Variants in CDKN2AIP observed in about 807,000 individuals in gnomAD.
CDKN2AIP encodes the protein CDKN2A interacting protein, also known as CDKN2A-interacting protein.
Under a neutral mutation model 44.1 loss-of-function variants are expected in CDKN2AIP, and 12 were observed. The observed-to-expected ratio is 0.27, with a 90% CI of 0.17 to 0.44. The LOEUF (loss-of-function observed/expected upper bound fraction) is 0.44, where lower values mean the gene tolerates loss of function less well. CDKN2AIP is among the 20% of genes least tolerant of loss of function. CDKN2AIP has a pLI of 1.00. For synonymous variants in CDKN2AIP, 291 were observed against 272.1 expected (o/e 1.07, Z -0.68); for missense variants, 705 against 681.6 (o/e 1.03, Z -0.38).
intron 2 of CDKN2AIP, 91 bp downstream of exon 2, chr4:183,445,756 C>G (rs537887747): frequency 3.7e-6 from 4 of 1,069,946 alleles, no homozygotes; most frequent in South Asian, 1.4e-5. Context: ...TTTTAACAAG[C>G]CAGAATTTTT....
At chr4:183,445,711 A>G in intron 2 of CDKN2AIP, 46 bp downstream of exon 2, 4 of 1,487,282 alleles carry the variant, frequency 2.7e-6, no homozygotes, top group African/African-American at 1.4e-5. Context: ...TTAGAGCATA[A>G]GTTTGATATA....
intron 1 of CDKN2AIP, 102 bp downstream of exon 1, chr4:183,445,171 A>C (rs1733639552): frequency 7.1e-7 from 1 of 1,412,480 alleles, no homozygotes; most frequent in Non-Finnish European, 9.5e-7. Context: ...GGGGAGGGGA[A>C]GTTGTGAAGC....
rs760838873 is a variant in CDKN2AIP, at chr4:183,446,081, T to G, written c.404-7T>G. 6.3e-7 allele frequency: 1 copy of G among 1,579,452 alleles called. No homozygotes were observed. The highest frequency in any genetic ancestry group is 1.2e-5 in the South Asian group (1 of 85,922). ...TAGTCACATATCTATGTTTTTCTTCTTTTTAGAAGGGGTAGAAGAGCCATC... is the reference window on the plus strand; with the variant it reads ...TAGTCACATATCTATGTTTTTCTTCGTTTTAGAAGGGGTAGAAGAGCCATC... On this transcript the variant is annotated splice_polypyrimidine_tract_variant and splice_region_variant and intron_variant, in intron 2 of 2. Coordinates refer to ENST00000504169, the MANE Select transcript of CDKN2AIP (RefSeq NM_017632.4).
rs757772642 is a variant in CDKN2AIP, at chr4:183,446,599, A to G, written c.915A>G (p.Leu305=). ...GAAGCTCAGAGGTAGAATTGCCACT[A>G]TTGTCTTCCAAACCTAGTTCAGAGA... ...SSGSSEVELP[L]LSSKPSSETA... is the part of the protein sequence containing the mutation. The change falls in exon 3 of 3, where the codon CTA becomes CTG. Residue 305 remains leucine (L), a synonymous_variant. Transcript: ENST00000504169. 87 of 1,613,966 alleles carry G rather than the reference A, an allele frequency of 5.4e-5. No homozygotes were observed. Among genetic ancestry groups the G allele is most frequent in the Middle Eastern group, 1.6e-4 (1 of 6,084 alleles).
rs1252450214 is a variant in CDKN2AIP, at chr4:183,447,064, T to C, written c.1380T>C (p.Asn460=). The change falls in exon 3 of 3, where the codon AAT becomes AAC. Residue 460 remains asparagine, a synonymous_variant. Coordinates refer to ENST00000504169, the MANE Select transcript of CDKN2AIP (RefSeq NM_017632.4). ...TAGCTGTTGGTGGCTTTAGTCCCAA[T>C]GTGAATCATGGAGAGCTCCTAAATG... ...KLVAVGGFSP[N]VNHGELLNAA... is the part of the protein sequence containing the mutation. 1 of 1,614,126 alleles carries C rather than the reference T, an allele frequency of 6.2e-7. No individual in the cohort carries two copies. The highest frequency in any genetic ancestry group is 2.2e-5 in the East Asian group (1 of 44,886).
rs571001762 is a variant in CDKN2AIP, at chr4:183,445,807, A to G, written c.403+142A>G. The G allele has an allele frequency of 2.1e-5, 15 of 707,456 alleles. No homozygotes were observed. The East Asian group carries it at 3.8e-4, about 18-fold the overall frequency. The allele number at this position is 707,456 out of a possible 1,614,324, so 43.8% of individuals were successfully genotyped here. ...AATAAAGTTGGAATGTTAAACCTAA[A>G]GTATATATCTGTGTCTTTAGGCTTT... On this transcript the variant is annotated intron_variant, in intron 2 of 2. Transcript: ENST00000504169.
At position 183,444,760 on chromosome 4, in the gene CDKN2AIP, C is replaced by T. The variant is rs1434103238; in HGVS notation, c.-38C>T. 4 of 1,483,290 alleles carry T rather than the reference C, an allele frequency of 2.7e-6. No homozygotes were observed. The highest frequency in any genetic ancestry group is 1.3e-5 in the South Asian group (1 of 75,248). The allele number at this position is 1,483,290 out of a possible 1,614,324, so 91.9% of individuals were successfully genotyped here. On this transcript the variant is annotated 5_prime_UTR_variant, in exon 1 of 3. Coordinates refer to ENST00000504169, the MANE Select transcript of CDKN2AIP (RefSeq NM_017632.4). ...CGCTCGCCCCGCTAGTCCTGCCTGT[C>T]TCCCGGTGCAGCTGTGTTCGCGGCC...
Position 183,445,063 on chromosome 4 carries a change from G to C in CDKN2AIP, c.266G>C (p.Gly89Ala). The C allele has an allele frequency of 6.3e-7, 1 of 1,582,078 alleles. No homozygotes were observed. The highest frequency in any genetic ancestry group is 8.6e-7 in the Non-Finnish European group (1 of 1,156,110). Reference protein sequence around the residue: ...SMAWANHVFLGCRYPQKVMDK... With the variant: ...SMAWANHVFLACRYPQKVMDK... The stretch of plus-strand genomic sequence containing the variant: ...GCCTGGGCGAACCACGTCTTCCTCG[G>C]GTGCCGGTGAGTGAGGCAGCGTCCC... The change falls in exon 1 of 3, where the codon GGG (glycine) becomes GCG (alanine). Residue 89 changes from glycine to alanine, a missense_variant. By Grantham distance (60) the Gly-to-Ala change is moderately conservative (BLOSUM62 0). This residue lies in a region of CDKN2AIP where 592 missense variants were observed against 518.0 expected (regional missense o/e 1.14). Transcript: ENST00000504169.
rs1733707420 is a variant in CDKN2AIP at position 183,447,435 on chromosome 4, A to G, written c.*8A>G. On this transcript the variant is annotated 3_prime_UTR_variant, in exon 3 of 3. Coordinates refer to ENST00000504169, the MANE Select transcript of CDKN2AIP (RefSeq NM_017632.4). ...CCTCAAGAATTACTATAATGTGTCC[A>G]AAATATCACTGCATACAATATCTGG... 1 of 1,505,584 alleles carries G rather than the reference A, an allele frequency of 6.6e-7. No homozygotes were observed. Among genetic ancestry groups the G allele is most frequent in the South Asian group, 1.4e-5 (1 of 73,098 alleles). The allele number at this position is 1,505,584 out of a possible 1,614,324, so 93.3% of individuals were successfully genotyped here. A position where few individuals can be genotyped will look rare whatever the true frequency, so the allele number is the denominator to read the frequency against.
At position 183,444,803 on chromosome 4, in the gene CDKN2AIP, G is replaced by A. The variant is rs1194581510; in HGVS notation, c.6G>A (p.Ala2=). Residue 2 remains alanine, a synonymous_variant, in exon 1 of 3, where the codon GCG becomes GCA. Transcript: ENST00000504169. ...TCGCGGCCTGCAGGCCCAACATGGC[G>A]CAGGAGGTGTCGGAGTACCTGAGCC... is the stretch of plus-strand genomic sequence containing the variant. M[A]QEVSEYLSQN... 6.5e-7 allele frequency: 1 copy of A among 1,539,118 alleles called. No homozygotes were observed.
rs775281024 is a variant in CDKN2AIP at position 183,448,709 on chromosome 4, G to A, written c.*1282G>A. ...TTGTGTTGGAATAGGAAAATCAAACGTAAGCACAATTTAAGTATGTAGCAG... is the reference window on the plus strand; with the variant it reads ...TTGTGTTGGAATAGGAAAATCAAACATAAGCACAATTTAAGTATGTAGCAG... On this transcript the variant is annotated 3_prime_UTR_variant, in exon 3 of 3. Coordinates refer to ENST00000504169, the MANE Select transcript of CDKN2AIP (RefSeq NM_017632.4). Among the ~76,000 whole-genome samples the A allele has an allele frequency of 1.3e-5, 2 of 152,112 alleles. No individual in the cohort carries two copies. Among genetic ancestry groups the A allele is most frequent in the African/African-American group, 4.8e-5 (2 of 41,434 alleles).
At position 183,447,149 on chromosome 4, in the gene CDKN2AIP, G is replaced by A; in HGVS notation, c.1465G>A (p.Ala489Thr). Residue 489 changes from alanine (A) to threonine (T), a missense_variant, in exon 3 of 3, where the codon GCA (alanine) becomes ACA (threonine). Physicochemically the swap from Ala to Thr is moderately conservative, Grantham distance 58 (BLOSUM62 0). Coordinates refer to ENST00000504169, the MANE Select transcript of CDKN2AIP (RefSeq NM_017632.4). Reference protein sequence around the residue: ...DVFFVPLKELADLPQNKSSQE... With the variant: ...DVFFVPLKELTDLPQNKSSQE... Reference sequence around the variant, plus strand: ...ATTTTTTGTCCCACTAAAAGAATTGGCAGATCTGCCTCAAAATAAGAGCTC... The same window carrying A: ...ATTTTTTGTCCCACTAAAAGAATTGACAGATCTGCCTCAAAATAAGAGCTC... 6.2e-7 allele frequency: 1 copy of A among 1,614,132 alleles called. No homozygotes were observed. Among genetic ancestry groups the A allele is most frequent in the Non-Finnish European group, 8.5e-7 (1 of 1,180,000 alleles).
Position 183,447,365 on chromosome 4 carries a change from G to C in CDKN2AIP, c.1681G>C (p.Asp561His). Reference sequence around the variant, plus strand: ...TGAAATAGAAGATCTAGTACTCCTTGATGAAGAATCGAGGCCTGTAAACTT... The same window carrying C: ...TGAAATAGAAGATCTAGTACTCCTTCATGAAGAATCGAGGCCTGTAAACTT... ...GSEIEDLVLLDEESRPVNLPP... is the reference protein window; with the variant it reads ...GSEIEDLVLLHEESRPVNLPP... The change falls in exon 3 of 3, where the codon GAT (aspartate) becomes CAT (histidine). Residue 561 changes from aspartate to histidine, a missense_variant. Around this residue, in one of 2 missense-constraint regions of CDKN2AIP, gnomAD observed 113 missense variants for 163.6 expected, o/e 0.69. Transcript: ENST00000504169. 1.9e-6 allele frequency: 3 copies of C among 1,584,924 alleles called. No homozygotes were observed. Among genetic ancestry groups the C allele is most frequent in the Non-Finnish European group, 1.7e-6 (2 of 1,169,058 alleles).
In CDKN2AIP at chr4:183,444,809, G is replaced by A. The variant is rs1164038856; in HGVS notation, c.12G>A (p.Glu4=). 1 of 1,543,232 alleles carries A rather than the reference G, an allele frequency of 6.5e-7. No homozygotes were observed. The highest frequency in any genetic ancestry group is 8.8e-7 in the Non-Finnish European group (1 of 1,140,788). Residue 4 remains glutamate (E), a synonymous_variant, in exon 1 of 3, where the codon GAG becomes GAA. Coordinates refer to ENST00000504169, the MANE Select transcript of CDKN2AIP (RefSeq NM_017632.4). MAQ[E]VSEYLSQNPR... ...CCTGCAGGCCCAACATGGCGCAGGA[G>A]GTGTCGGAGTACCTGAGCCAGAACC...
At position 183,444,779 on chromosome 4, in the gene CDKN2AIP, C is replaced by G. The variant is rs1733624446; in HGVS notation, c.-19C>G. The stretch of plus-strand genomic sequence containing the variant: ...GCCTGTCTCCCGGTGCAGCTGTGTT[C>G]GCGGCCTGCAGGCCCAACATGGCGC... On this transcript the variant is annotated 5_prime_UTR_variant, in exon 1 of 3. Coordinates refer to ENST00000504169, the MANE Select transcript of CDKN2AIP (RefSeq NM_017632.4). The G allele has an allele frequency of 2.7e-6, 4 of 1,509,022 alleles. No individual in the cohort carries two copies. Among genetic ancestry groups the G allele is most frequent in the Non-Finnish European group, 3.6e-6 (4 of 1,120,406 alleles). The allele number at this position is 1,509,022 out of a possible 1,614,324, so 93.5% of individuals were successfully genotyped here.
rs898210355 is a variant in CDKN2AIP, at chr4:183,448,047, G to T, written c.*620G>T. 1 of 152,070 alleles carries T rather than the reference G, an allele frequency of 6.6e-6. No individual in the cohort carries two copies. Among genetic ancestry groups the T allele is most frequent in the East Asian group, 1.9e-4 (1 of 5,194 alleles). The allele number at this position is 152,070 out of a possible 1,614,324, so 9.4% of individuals were successfully genotyped here. ...TTGACCGCTGAAGATTCTTTAAGCG[G>T]GTTAATTTATGTTTTGAGGTGGAAT... On this transcript the variant is annotated 3_prime_UTR_variant, in exon 3 of 3. Coordinates refer to ENST00000504169, the MANE Select transcript of CDKN2AIP (RefSeq NM_017632.4).
chr4:183,446,754 T>C lies in CDKN2AIP; in HGVS notation c.1070T>C (p.Leu357Pro). 1 of 1,614,202 alleles carries C rather than the reference T, an allele frequency of 6.2e-7. No homozygotes were observed. The highest frequency in any genetic ancestry group is 8.5e-7 in the Non-Finnish European group (1 of 1,180,012). Residue 357 changes from leucine (L) to proline (P), a missense_variant, in exon 3 of 3, where the codon CTG becomes CCG. By Grantham distance (98) the Leu-to-Pro change is moderately conservative (BLOSUM62 -3). This residue lies in a region of CDKN2AIP where 592 missense variants were observed against 518.0 expected (regional missense o/e 1.14). Coordinates refer to ENST00000504169, the MANE Select transcript of CDKN2AIP (RefSeq NM_017632.4). Reference protein sequence around the residue: ...PKSSSSTNTSLLTSKSTSQVA... With the variant: ...PKSSSSTNTSPLTSKSTSQVA... Reference sequence around the variant, plus strand: ...AGCAGCTCTTCAACAAATACATCGCTGCTAACTTCCAAGAGCACTTCCCAG... The same window carrying C: ...AGCAGCTCTTCAACAAATACATCGCCGCTAACTTCCAAGAGCACTTCCCAG...
Position 183,445,606 on chromosome 4 carries a change from A to C in CDKN2AIP, c.344A>C (p.Tyr115Ser). 1 of 1,609,282 alleles carries C rather than the reference A, an allele frequency of 6.2e-7. No homozygotes were observed. The highest frequency in any genetic ancestry group is 8.5e-7 in the Non-Finnish European group (1 of 1,175,514). Residue 115 changes from tyrosine (Y) to serine (S), a missense_variant, in exon 2 of 3, where the codon TAT becomes TCT. By Grantham distance (144) the Tyr-to-Ser change is moderately radical. Transcript: ENST00000504169. Reference protein sequence around the residue: ...EGIKVTDAPTYTTRDELVAKV... With the variant: ...EGIKVTDAPTSTTRDELVAKV... ...ATCAAAGTGACAGATGCTCCAACCT[A>C]TACAACAAGAGATGAACTGGTTGCC...
In CDKN2AIP at chr4:183,444,721, C is replaced by T; in HGVS notation, c.-77C>T. ...TATCTGGAGGGCCGCGGGTGCAGGC[C>T]GCAGTGACAGGGCCGCTCGCCCCGC... On this transcript the variant is annotated 5_prime_UTR_variant, in exon 1 of 3. Transcript: ENST00000504169. 4 of 1,400,530 alleles carry T rather than the reference C, an allele frequency of 2.9e-6. No individual in the cohort carries two copies. Among genetic ancestry groups the T allele is most frequent in the Non-Finnish European group, 3.8e-6 (4 of 1,059,622 alleles). The allele number at this position is 1,400,530 out of a possible 1,614,324, so 86.8% of individuals were successfully genotyped here. A position where few individuals can be genotyped will look rare whatever the true frequency, so the allele number is the denominator to read the frequency against.
Sources: allele counts gnomAD v4.1 joint callset (sites outside exome capture counted in the v4.1 genomes callset), GRCh38; gene constraint gnomAD v4.1.1; regional missense constraint gnomAD v4.1.1; transcripts MANE v1.5; gene names NCBI Gene and HGNC (gene_info 2026-07-23, HGNC 2026-07-21).